Variants in RCC1 observed in about 807,000 individuals in gnomAD.
The protein encoded by RCC1 is regulator of chromosome condensation.
Under a neutral mutation model 44.4 loss-of-function variants are expected in RCC1, and 11 were observed. The observed-to-expected ratio is 0.25, with a 90% CI of 0.16 to 0.41. The LOEUF (loss-of-function observed/expected upper bound fraction) is 0.41, where lower values mean the gene tolerates loss of function less well. Ranked by LOEUF, RCC1 falls within the 10% of genes least tolerant of loss-of-function variation. RCC1 has a pLI of 1.00. For missense variants in RCC1, 386 were observed against 547.1 expected (o/e 0.71, Z 2.94); for synonymous variants, 213 against 216.5 (o/e 0.98, Z 0.14).
intron 5 of RCC1, among the ~76,000 whole-genome samples, chr1:28,530,302 T>A (rs539222078): frequency 6.6e-6 from 1 of 152,354 alleles, no homozygotes; most frequent in South Asian, 2.1e-4. Context: ...ATCCCGCAGT[T>A]TGGATTATCA....
intron 3 of RCC1, among the ~76,000 whole-genome samples, chr1:28,513,212 T>C (rs1019004823): frequency 5.9e-5 from 9 of 151,990 alleles, no homozygotes; most frequent in African/African-American, 2.2e-4. Flanking sequence ...AATTTTTTTG[T>C]ATTTTTAGTA....
chr1:28,534,970 C>A, intron 7 of RCC1, 80 bp from the exon 8 acceptor site: 2 of 1,067,884 alleles, frequency 1.9e-6, no homozygotes, highest in Non-Finnish European at 2.9e-6. Context: ...CCATCCCCAT[C>A]TGGTGCCACT....
chr1:28,520,328 GA>G (rs1663190161), intron 4 of RCC1, among the ~76,000 whole-genome samples: 1 of 152,204 alleles, frequency 6.6e-6, no homozygotes, highest in Non-Finnish European at 1.5e-5. Context: ...TCCTTTTACA[GA>G]AATCGAGGCT....
chr1:28,511,931 T>G (rs1662571730), intron 3 of RCC1, among the ~76,000 whole-genome samples: 1 of 151,546 alleles, frequency 6.6e-6, no homozygotes, highest in Non-Finnish European at 1.5e-5. Flanking sequence ...CCCAAAGTGT[T>G]GGGATTACAG....
At chr1:28,537,578 G>A (rs1246118768) in intron 12 of RCC1, among the ~76,000 whole-genome samples, 5 of 152,212 alleles carry the variant, frequency 3.3e-5, no homozygotes, top group African/African-American at 1.2e-4. Context: ...AGAGGGTGGG[G>A]TAGGACCTTG....
chr1:28,509,665 G>C (rs1473712406), intron 3 of RCC1: 1 of 152,244 alleles, frequency 6.6e-6, no homozygotes, highest in African/African-American at 2.4e-5. Flanking sequence ...GGAGGTGGCT[G>C]TGGTGACATC....
At position 28,532,447 on chromosome 1, in the gene RCC1, C is replaced by A; in HGVS notation, c.441+97C>A. On this transcript the variant is annotated intron_variant, in intron 7 of 12. Transcript: ENST00000683442. ...CACTTCCATGCCCCCATGGTACTTA[C>A]TGGTGGGGAGATGAAAGCCCACAGG... is the stretch of plus-strand genomic sequence containing the variant. 3 of 1,348,018 alleles carry A rather than the reference C, an allele frequency of 2.2e-6. 1 individual carries two copies. In the South Asian group the frequency reaches 4.1e-5, roughly 18 times the overall value. 83.5% of individuals were successfully genotyped at this position (1,348,018 alleles called of 1,614,324 possible). A position where few individuals can be genotyped will look rare whatever the true frequency, so the allele number is the denominator to read the frequency against.
At chr1:28,530,839 C>T (rs1234301127) in intron 5 of RCC1, among the ~76,000 whole-genome samples, 3 of 152,288 alleles carry the variant, frequency 2.0e-5, no homozygotes, top group Non-Finnish European at 4.4e-5. Flanking sequence ...GGGAAGAGTC[C>T]GTTTCTGCAG....
chr1:28,532,578 T>G (rs1664247335), intron 7 of RCC1: 2 of 545,822 alleles, frequency 3.7e-6, no homozygotes, highest in Non-Finnish European at 6.7e-6. Context: ...TCCTGGGAAG[T>G]GAGTGGGTCA....
At chr1:28,530,517 T>A in intron 5 of RCC1, 1 of 1,600,728 alleles carries the variant, frequency 6.2e-7, no homozygotes. Context: ...TGTCTGTCTT[T>A]TGCAGACACG....
intron 3 of RCC1, among the ~76,000 whole-genome samples, chr1:28,513,437 C>T (rs1184621662): frequency 6.6e-6 from 1 of 152,068 alleles, no homozygotes; most frequent in South Asian, 2.1e-4. Flanking sequence ...TCAGGCAGTC[C>T]GCCTGCCCTG....
rs1664585947 is a variant in RCC1, at chr1:28,536,835, C to T, written c.1026C>T (p.Ser342=). ...AGAAGAGCATACCCACCCTCATCTC[C>T]AGGCTGCCTGCTGTCTCCTCGGTGG... is the stretch of plus-strand genomic sequence containing the variant. ...AEEKSIPTLI[S]RLPAVSSVAC... The change falls in exon 12 of 13, where the codon TCC becomes TCT. Residue 342 remains serine, a synonymous_variant. Transcript: ENST00000683442. The surrounding 1 kb of genome is among the most constrained non-coding windows in gnomAD (Gnocchi z 4.9). The T allele has an allele frequency of 6.2e-7, 1 of 1,614,054 alleles. No homozygotes were observed. Among genetic ancestry groups the T allele is most frequent in the Admixed American group, 1.7e-5 (1 of 59,986 alleles).
In RCC1 at chr1:28,536,944, C is replaced by T; in HGVS notation, c.1090+45C>T. ...CTCTGTCTAGTTGGGACCTGGGGGT[C>T]ATGGTTCTTACCCAATTCCCCAATA... On this transcript the variant is annotated intron_variant, in intron 12 of 12. Transcript: ENST00000683442. The surrounding 1 kb of genome is among the most constrained non-coding windows in gnomAD (Gnocchi z 4.9). The T allele has an allele frequency of 6.2e-7, 1 of 1,605,388 alleles. No homozygotes were observed. The highest frequency in any genetic ancestry group is 1.7e-4 in the Middle Eastern group (1 of 5,954).
chr1:28,509,779 ATATTGGCAGTT>A (rs748382277), intron 3 of RCC1: 4 of 152,174 alleles, frequency 2.6e-5, no homozygotes, highest in Non-Finnish European at 5.9e-5. Context: ...GGTTCACTTT[ATATTGGCAGTT>A]TATTGGGAAA....
Position 28,537,900 on chromosome 1 carries a change from A to C in RCC1, c.1159A>C (p.Ser387Arg), listed in dbSNP as rs1664650516. The change falls in exon 13 of 13, where the codon AGC becomes CGC. Residue 387 changes from serine (S) to arginine (R), a missense_variant. By Grantham distance (110) the Ser-to-Arg change is moderately radical. Coordinates refer to ENST00000683442, the MANE Select transcript of RCC1 (RefSeq NM_001381865.2). ...CACAGGGCAGGATGAGGACGCCTGG[A>C]GCCCTGTGGAGATGATGGGCAAACA... The part of the protein sequence containing the change: ...LGTGQDEDAW[S>R]PVEMMGKQLE... 1 of 1,613,668 alleles carries C rather than the reference A, an allele frequency of 6.2e-7. No homozygotes were observed. The highest frequency in any genetic ancestry group is 8.5e-7 in the Non-Finnish European group (1 of 1,179,876).
intron 3 of RCC1, among the ~76,000 whole-genome samples, chr1:28,512,298 C>T (rs1174667814): frequency 1.3e-5 from 2 of 152,132 alleles, no homozygotes; most frequent in Non-Finnish European, 2.9e-5. Flanking sequence ...ACAATGGCCT[C>T]ACTGGCTCTT....
chr1:28,514,604 A>T (rs1662774358), intron 3 of RCC1, among the ~76,000 whole-genome samples: 2 of 151,934 alleles, frequency 1.3e-5, no homozygotes, highest in Non-Finnish European at 2.9e-5. Context: ...TCTACTAAAA[A>T]TACAAAATTA....
At chr1:28,535,649 G>A (rs774275601) in intron 9 of RCC1, 1 of 758,154 alleles carries the variant, frequency 1.3e-6, no homozygotes, top group South Asian at 1.5e-5. Context: ...AAGAATATCA[G>A]GCAGATGGTA....
At chr1:28,522,378 TA>T (rs555813873) in intron 4 of RCC1, among the ~76,000 whole-genome samples, 172 of 152,106 alleles carry the variant, frequency 1.1e-3, no homozygotes, top group Non-Finnish European at 1.8e-3. Flanking sequence ...GAAATGAAGC[TA>T]AAGGTTCTGT....
Sources: allele counts gnomAD v4.1 joint callset (sites outside exome capture counted in the v4.1 genomes callset), GRCh38; gene constraint gnomAD v4.1.1; non-coding constraint Gnocchi (gnomAD v3.1); transcripts MANE v1.5; gene names NCBI Gene and HGNC (gene_info 2026-07-23, HGNC 2026-07-21).